Variants in RBM6 observed in about 807,000 individuals in gnomAD.
RBM6 encodes RNA binding motif protein 6, also known as RNA-binding protein 6.
A neutral mutation model predicts 140.4 loss-of-function variants in RBM6; 23 were observed. That is an observed-to-expected ratio of 0.16 (90% confidence interval 0.12 to 0.23). The LOEUF is 0.23. Ranked by LOEUF, RBM6 falls within the 10% of genes least tolerant of loss-of-function variation. RBM6 has a pLI of 1.00. For synonymous variants in RBM6, 439 were observed against 475.6 expected (o/e 0.92, Z 1.00); for missense variants, 1,139 against 1,386.7 (o/e 0.82, Z 2.84).
At chr3:49,950,225 A>G (rs1646419239) in intron 1 of RBM6, among the ~76,000 whole-genome samples, 1 of 152,122 alleles carries the variant, frequency 6.6e-6, no homozygotes, top group Non-Finnish European at 1.5e-5. Flanking sequence ...GTAGCCCACA[A>G]CATTTACTTT....
intron 3 of RBM6, 88 bp downstream of exon 3, chr3:49,968,836 A>G: frequency 7.2e-7 from 1 of 1,386,394 alleles, no homozygotes; most frequent in Non-Finnish European, 9.3e-7. Flanking sequence ...CCTGGAGTGC[A>G]GTGGTGCGAT....
chr3:50,019,311 C>T (rs1463209986), intron 6 of RBM6, among the ~76,000 whole-genome samples: 1 of 152,166 alleles, frequency 6.6e-6, no homozygotes, highest in African/African-American at 2.4e-5. Flanking sequence ...CAGGCATGAG[C>T]CACCATGCCT....
intron 19 of RBM6, among the ~76,000 whole-genome samples, chr3:50,074,056 T>G (rs1019531995): frequency 6.6e-6 from 1 of 152,142 alleles, no homozygotes; most frequent in Non-Finnish European, 1.5e-5. Flanking sequence ...CTCGAACTCC[T>G]GACCTCAGGT....
chr3:50,028,346 G>A (rs565824780), intron 6 of RBM6, among the ~76,000 whole-genome samples: 11 of 152,180 alleles, frequency 7.2e-5, no homozygotes, highest in East Asian at 1.9e-4. Context: ...TGATTCCTGC[G>A]TACTGTGAAT....
chr3:50,027,980 A>G (rs2087934721), intron 6 of RBM6, among the ~76,000 whole-genome samples: 1 of 152,108 alleles, frequency 6.6e-6, no homozygotes, highest in Admixed American at 6.6e-5. Flanking sequence ...ACCAGGTTTC[A>G]ATTCTGGTTT....
In RBM6 at chr3:50,025,663, C is replaced by T. The variant is rs545992502; in HGVS notation, c.1558-22582C>T. On this transcript the variant is annotated intron_variant, in intron 6 of 20. Transcript: ENST00000266022. Reference sequence around the variant, plus strand: ...TGGTTGGGAACTCCTGGCCTTAAGCCGTCCTCCTGCTTCAGTCTCCCAAAG... The same window carrying T: ...TGGTTGGGAACTCCTGGCCTTAAGCTGTCCTCCTGCTTCAGTCTCCCAAAG... 4.8e-5 allele frequency among the ~76,000 whole-genome samples: 7 copies of T among 146,430 alleles called. No individual in the cohort carries two copies. The East Asian group carries it at 8.7e-4, about 18-fold the overall frequency.
chr3:49,962,854 T>C, intron 2 of RBM6, 169 bp downstream of exon 2: 1 of 553,938 alleles, frequency 1.8e-6, no homozygotes, highest in Non-Finnish European at 3.0e-6. Context: ...TCCCAGCACT[T>C]TGGGAGGCTG....
At chr3:49,995,172 G>C (rs974602991) in intron 5 of RBM6, among the ~76,000 whole-genome samples, 1 of 152,060 alleles carries the variant, frequency 6.6e-6, no homozygotes, top group Non-Finnish European at 1.5e-5. Flanking sequence ...TGGGAAACAG[G>C]CAACCACATG....
At chr3:50,022,906 C>T (rs1246213239) in intron 6 of RBM6, among the ~76,000 whole-genome samples, 1 of 151,990 alleles carries the variant, frequency 6.6e-6, no homozygotes, top group Non-Finnish European at 1.5e-5. Context: ...CAAGACCAGC[C>T]TGGGCAATGT....
intron 6 of RBM6, among the ~76,000 whole-genome samples, chr3:50,014,250 A>G (rs1230952609): frequency 6.6e-6 from 1 of 152,180 alleles, no homozygotes; most frequent in East Asian, 1.9e-4. Context: ...ACTCCAGACT[A>G]CCAGTCACGA....
chr3:50,016,367 A>C (rs895598148), intron 6 of RBM6, among the ~76,000 whole-genome samples: 2 of 152,162 alleles, frequency 1.3e-5, no homozygotes, highest in African/African-American at 2.4e-5. Context: ...GGATGAATGG[A>C]TATCATGGCT....
intron 20 of RBM6, among the ~76,000 whole-genome samples, chr3:50,076,550 T>TG (rs1344794454): frequency 6.6e-6 from 1 of 151,208 alleles, no homozygotes; most frequent in East Asian, 2.0e-4. Context: ...ATCGTGCCAC[T>TG]GCACTCCAGC....
At chr3:50,075,434 C>G (rs913475013) in intron 20 of RBM6, 104 bp downstream of exon 20, 2 of 1,449,566 alleles carry the variant, frequency 1.4e-6, no homozygotes, top group Non-Finnish European at 1.9e-6. Context: ...TGGGCTTTCT[C>G]TACTGCTGGG....
At chr3:49,957,036 AC>A (rs1319437623) in intron 1 of RBM6, among the ~76,000 whole-genome samples, 1 of 152,152 alleles carries the variant, frequency 6.6e-6, no homozygotes, top group Non-Finnish European at 1.5e-5. Flanking sequence ...AGATTGGAGA[AC>A]AGTGATGAGA....
chr3:49,950,307 C>A (rs890153792), intron 1 of RBM6, among the ~76,000 whole-genome samples: 1 of 152,082 alleles, frequency 6.6e-6, no homozygotes, highest in Non-Finnish European at 1.5e-5. Context: ...TAGAATAAGA[C>A]CCCTGGTTCT....
At chr3:50,038,089 T>G (rs1420065466) in intron 6 of RBM6, among the ~76,000 whole-genome samples, 1 of 151,946 alleles carries the variant, frequency 6.6e-6, no homozygotes, top group Non-Finnish European at 1.5e-5. Context: ...CCCAAAGTGC[T>G]GGGATTACAG....
chr3:50,021,337 C>G (rs2087469911), intron 6 of RBM6, among the ~76,000 whole-genome samples: 1 of 152,072 alleles, frequency 6.6e-6, no homozygotes, highest in South Asian at 2.1e-4. Flanking sequence ...GACTTACTTC[C>G]TTGTCATTAA....
chr3:50,066,351 C>T lies in RBM6; in HGVS notation c.2792C>T (p.Ala931Val). 6.2e-7 allele frequency: 1 copy of T among 1,614,104 alleles called. No individual in the cohort carries two copies. Residue 931 changes from alanine (A) to valine (V), a missense_variant, in exon 17 of 21, where the codon GCA (alanine) becomes GTA (valine). Ala to Val is a moderately conservative substitution (Grantham distance 64). This residue lies in a region of RBM6 where 23 missense variants were observed against 19.2 expected (regional missense o/e 1.20). Transcript: ENST00000266022. ...ACCCCTCCCCCACAGCCCCGCACAGCACAGCCCCAGAAGCGAGAGGAGCAA... is the reference window on the plus strand; with the variant it reads ...ACCCCTCCCCCACAGCCCCGCACAGTACAGCCCCAGAAGCGAGAGGAGCAA... Reference protein sequence around the residue: ...EQTPPPQPRTAQPQKREEQTK... With the variant: ...EQTPPPQPRTVQPQKREEQTK...
At chr3:50,055,677 G>A (rs1178266410) in intron 8 of RBM6, among the ~76,000 whole-genome samples, 1 of 152,076 alleles carries the variant, frequency 6.6e-6, no homozygotes, top group East Asian at 1.9e-4. Context: ...GAAGTTATTG[G>A]GAATCATTTG....
Sources: gnomAD v4.1 joint callset for allele counts (sites outside exome capture counted in the v4.1 genomes callset) on GRCh38, gnomAD v4.1.1 for gene constraint, gnomAD v4.1.1 regional missense constraint, MANE v1.5 for transcripts, NCBI Gene and HGNC (gene_info 2026-07-23, HGNC 2026-07-21) for gene names.